MYO5B: variants seen among roughly 807,000 people sequenced by gnomAD.
The protein encoded by MYO5B is myosin VB.
A neutral mutation model predicts 229.3 loss-of-function variants in MYO5B; 143 were observed. The ratio of observed to expected loss-of-function variants is 0.62; its 90% confidence interval spans 0.54 to 0.72. The LOEUF is 0.72. Among genes scored for constraint, MYO5B ranks in the 30% least tolerant of loss-of-function variants. The probability of loss-of-function intolerance (pLI) is 0.00; values close to 1 mark genes in which losing one functional copy is unlikely to be tolerated. For missense variants in MYO5B, 2,321 were observed against 2,331.0 expected, an observed-to-expected ratio of 1.00 and a Z score of 0.09; for synonymous variants, 918 against 885.2, an observed-to-expected ratio of 1.04 and a Z score of -0.66.
At chr18:49,859,601 GA>G (rs1340792806) in intron 29 of MYO5B, among the ~76,000 whole-genome samples, 1 of 152,200 alleles carries the variant, frequency 6.6e-6, no homozygotes, top group Non-Finnish European at 1.5e-5. Context: ...GAACAACAGA[GA>G]AACATCTGAG....
chr18:50,045,528 G>A (rs1399803318), intron 2 of MYO5B, among the ~76,000 whole-genome samples: 9 of 152,168 alleles, frequency 5.9e-5, no homozygotes, highest in South Asian at 2.1e-4. Context: ...CAAGTAGCTC[G>A]GACTACAGTT....
Position 50,036,850 on chromosome 18 carries a change from C to T in MYO5B, c.455G>A (p.Arg152Lys). 3 of 1,614,098 alleles carry T rather than the reference C, an allele frequency of 1.9e-6. No homozygotes were observed. The highest frequency in any genetic ancestry group is 2.5e-6 in the Non-Finnish European group (3 of 1,180,026). ...ACTTCTGGGCTGAGGACATTCTCAC[C>T]TGGCCATCTGCTTGTAGGCTTCTTC... Reference protein sequence around the residue: ...VAEEAYKQMARDEKNQSIIVS... With the variant: ...VAEEAYKQMAKDEKNQSIIVS... The change falls in exon 4 of 40, where the codon AGA becomes AAA. Residue 152 changes from arginine (R) to lysine (K), a missense_variant and splice_region_variant. Transcript: ENST00000285039.
At chr18:49,930,045 A>T (rs2025172667) in intron 16 of MYO5B, among the ~76,000 whole-genome samples, 1 of 152,192 alleles carries the variant, frequency 6.6e-6, no homozygotes, top group Admixed American at 6.5e-5. Context: ...GACTAGGCAG[A>T]TCTGGGTTTC....
chr18:50,152,919 A>G (rs1568126427), intron 1 of MYO5B, among the ~76,000 whole-genome samples: 1 of 151,826 alleles, frequency 6.6e-6, no homozygotes, highest in African/African-American at 2.4e-5. Flanking sequence ...TCCCTTGTTC[A>G]TATATTGGTG....
intron 1 of MYO5B, among the ~76,000 whole-genome samples, chr18:50,140,785 G>T (rs1333230051): frequency 6.6e-6 from 1 of 152,306 alleles, no homozygotes; most frequent in South Asian, 2.1e-4. Context: ...TGCACAAGTA[G>T]ACATCTCAGG....
chr18:49,861,073 T>C (rs2024323622), intron 29 of MYO5B, among the ~76,000 whole-genome samples: 1 of 152,232 alleles, frequency 6.6e-6, no homozygotes, highest in African/African-American at 2.4e-5. Flanking sequence ...CCACAGCACC[T>C]GGTGCAGCAC....
At chr18:50,095,810 A>G (rs1272502227) in intron 1 of MYO5B, among the ~76,000 whole-genome samples, 1 of 152,264 alleles carries the variant, frequency 6.6e-6, no homozygotes, top group African/African-American at 2.4e-5. Context: ...CATATGGGTC[A>G]TGCCACTGAA....
chr18:50,000,302 C>T (rs547563117), intron 5 of MYO5B, among the ~76,000 whole-genome samples: 3 of 152,282 alleles, frequency 2.0e-5, no homozygotes, highest in South Asian at 2.1e-4. Context: ...TGGCAGCTTG[C>T]GGCTCAACTA....
At chr18:50,191,136 G>A (rs2033220551) in intron 1 of MYO5B, among the ~76,000 whole-genome samples, 1 of 152,220 alleles carries the variant, frequency 6.6e-6, no homozygotes, top group Admixed American at 6.5e-5. Flanking sequence ...GGCAAGTGGG[G>A]AGACCATGGT....
chr18:50,094,320 A>G (rs1417898702), intron 1 of MYO5B, among the ~76,000 whole-genome samples: 1 of 152,238 alleles, frequency 6.6e-6, no homozygotes, highest in Non-Finnish European at 1.5e-5. Context: ...TGTACTAGAC[A>G]GGTTCACATC....
chr18:49,928,375 G>A (rs1396716020), intron 17 of MYO5B, among the ~76,000 whole-genome samples: 1 of 152,096 alleles, frequency 6.6e-6, no homozygotes, highest in Non-Finnish European at 1.5e-5. Context: ...CAGGCATGGT[G>A]GCTCACGCCT....
chr18:49,827,392 G>A lies in MYO5B; in HGVS notation c.5395-769C>T, dbSNP rs534611560. Among the ~76,000 whole-genome samples the A allele has an allele frequency of 2.0e-4, 31 of 152,332 alleles. No homozygotes were observed. The South Asian group carries it at 3.5e-3, about 17-fold the overall frequency. On this transcript the variant is annotated intron_variant, in intron 39 of 39. Transcript: ENST00000285039. ...GTGCCCTTTGATCTGGTGGGTCCCA[G>A]CAGATGCCTGTCTTGGTTTAGACAT...
chr18:50,108,647 A>G (rs1189020205), intron 1 of MYO5B, among the ~76,000 whole-genome samples: 1 of 152,122 alleles, frequency 6.6e-6, no homozygotes, highest in Non-Finnish European at 1.5e-5. Context: ...CCCCCGACAA[A>G]CATGCATCCT....
chr18:49,841,457 G>T lies in MYO5B; in HGVS notation c.4612-3C>A. 1 of 1,613,842 alleles carries T rather than the reference G, an allele frequency of 6.2e-7. No homozygotes were observed. Among genetic ancestry groups the T allele is most frequent in the Non-Finnish European group, 8.5e-7 (1 of 1,179,760 alleles). On this transcript the variant is annotated splice_polypyrimidine_tract_variant and splice_region_variant and intron_variant, in intron 34 of 39. Transcript: ENST00000285039. ...ATCTCAAAGTCATCATTGTGCTTCT[G>T]TGAAAAGAAAAGGACATCCTCAGCT...
chr18:50,090,764 T>C (rs941799648), intron 1 of MYO5B, among the ~76,000 whole-genome samples: 1 of 152,212 alleles, frequency 6.6e-6, no homozygotes, highest in African/African-American at 2.4e-5. Context: ...ACAGGGGAGC[T>C]GCTGCCCCTT....
intron 14 of MYO5B, among the ~76,000 whole-genome samples, chr18:49,943,734 T>C (rs951752760): frequency 4.6e-5 from 7 of 152,196 alleles, no homozygotes; most frequent in African/African-American, 1.7e-4. Context: ...TTCTATATCA[T>C]GGAGTTTATG....
chr18:49,965,483 A>ACACACACACACACACACACC (rs1351541282), intron 10 of MYO5B, among the ~76,000 whole-genome samples: 1 of 148,842 alleles, frequency 6.7e-6, no homozygotes, highest in Admixed American at 6.7e-5. Context: ...ACACACACAC[A>ACACACACACACACACACACC]CCTCTTCTCA....
At chr18:50,186,000 C>A (rs989328344) in intron 1 of MYO5B, among the ~76,000 whole-genome samples, 1 of 152,202 alleles carries the variant, frequency 6.6e-6, no homozygotes, top group South Asian at 2.1e-4. Context: ...TGTGAGCCAC[C>A]TGTGGTACTT....
chr18:49,940,016 C>T (rs867316153), intron 14 of MYO5B, among the ~76,000 whole-genome samples: 1 of 152,146 alleles, frequency 6.6e-6, no homozygotes, highest in African/African-American at 2.4e-5. Flanking sequence ...TCTGGTGATG[C>T]TCTGCACTGC....
Sources: gnomAD v4.1 joint callset for allele counts (sites outside exome capture counted in the v4.1 genomes callset) on GRCh38, gnomAD v4.1.1 for gene constraint, MANE v1.5 for transcripts, NCBI Gene and HGNC (gene_info 2026-07-23, HGNC 2026-07-21) for gene names.